The following SLC8A1 variants were observed in gnomAD, a reference collection of about 807,000 sequenced individuals.
SLC8A1 encodes sodium/calcium exchanger 1.
In SLC8A1, 18 loss-of-function variants were observed where a neutral mutation model predicts 68.3. That is an observed-to-expected ratio of 0.26 (90% CI 0.18 to 0.39). SLC8A1 has a LOEUF of 0.39. Among genes scored for constraint, SLC8A1 ranks in the 10% least tolerant of loss-of-function variants. The pLI is 1.00. For synonymous variants in SLC8A1, 475 were observed against 415.5 expected (o/e 1.14, Z -1.74); for missense variants, 985 against 1,156.7 (o/e 0.85, Z 2.15).
chr2:40,350,170 C>G (rs949886729), intron 2 of SLC8A1, among the ~76,000 whole-genome samples: 1 of 152,112 alleles, frequency 6.6e-6, no homozygotes, highest in African/African-American at 2.4e-5. Context: ...ACTCAGAATT[C>G]TCTTAAAACT....
intron 1 of SLC8A1, among the ~76,000 whole-genome samples, chr2:40,475,284 C>T (rs1423634573): frequency 6.6e-6 from 1 of 152,064 alleles, no homozygotes; most frequent in Non-Finnish European, 1.5e-5. Flanking sequence ...CAGGTGCCCG[C>T]CACCTCGCCC....
intron 2 of SLC8A1, among the ~76,000 whole-genome samples, chr2:40,332,349 GA>G (rs1292011430): frequency 7.3e-6 from 1 of 136,614 alleles, no homozygotes; most frequent in Non-Finnish European, 1.5e-5. Context: ...CCTGACTCTG[GA>G]TTTACCCTTT....
intron 7 of SLC8A1, among the ~76,000 whole-genome samples, chr2:40,135,822 C>T (rs1008213600): frequency 6.6e-6 from 1 of 152,084 alleles, no homozygotes; most frequent in East Asian, 1.9e-4. Context: ...ACTTGTTCTC[C>T]TGAGAAAGGC....
chr2:40,292,877 A>T (rs2069593434), intron 2 of SLC8A1, among the ~76,000 whole-genome samples: 1 of 152,160 alleles, frequency 6.6e-6, no homozygotes, highest in Non-Finnish European at 1.5e-5. Context: ...TCCTTCATCT[A>T]GTGAACTGTC....
At chr2:40,410,539 T>C (rs575699323) in intron 2 of SLC8A1, among the ~76,000 whole-genome samples, 5 of 152,138 alleles carry the variant, frequency 3.3e-5, no homozygotes, top group African/African-American at 1.2e-4. Context: ...ATGATGAAAA[T>C]ATAGTAATTA....
rs1023797664 is a variant in SLC8A1, at chr2:40,353,438, T to C, written c.1808+75035A>G. ...AGGCTCTCCAAGGCCTGTAGATTTT[T>C]CATTATGGAAAATGGCTCTGACCCA... is the stretch of plus-strand genomic sequence containing the variant. On this transcript the variant is annotated intron_variant, in intron 2 of 7. Transcript: ENST00000406785. 2.6e-5 allele frequency among the ~76,000 whole-genome samples: 4 copies of C among 152,116 alleles called. No homozygotes were observed. In the East Asian group the frequency reaches 7.8e-4, roughly 29 times the overall value.
chr2:40,451,342 T>G (rs1702443235), intron 1 of SLC8A1, among the ~76,000 whole-genome samples: 1 of 152,128 alleles, frequency 6.6e-6, no homozygotes, highest in Non-Finnish European at 1.5e-5. Flanking sequence ...CTTCCTCGTC[T>G]GTCTCTGCCC....
intron 2 of SLC8A1, among the ~76,000 whole-genome samples, chr2:40,405,494 C>T (rs145160567): frequency 3.3e-5 from 5 of 152,302 alleles, no homozygotes; most frequent in African/African-American, 1.2e-4. Flanking sequence ...TCCGCTTTTC[C>T]AGCACATCCG....
intron 2 of SLC8A1, among the ~76,000 whole-genome samples, chr2:40,331,430 G>A (rs1272508627): frequency 6.6e-6 from 1 of 152,000 alleles, no homozygotes; most frequent in Non-Finnish European, 1.5e-5. Context: ...CCACTTTAAT[G>A]TATATGCAAC....
At chr2:40,448,668 T>C (rs1701883979) in intron 1 of SLC8A1, among the ~76,000 whole-genome samples, 1 of 152,086 alleles carries the variant, frequency 6.6e-6, no homozygotes, top group South Asian at 2.1e-4. Flanking sequence ...AGGCAGAACG[T>C]TTGCCACAAG....
At chr2:40,499,036 T>C (rs764450181) in intron 1 of SLC8A1, among the ~76,000 whole-genome samples, 13 of 151,936 alleles carry the variant, frequency 8.6e-5, no homozygotes, top group Non-Finnish European at 1.6e-4. Flanking sequence ...GATAAGAGAA[T>C]AGACTAAAGA....
exon 2 of SLC8A1, chr2:40,430,281 G>C (rs748237959): frequency 9.4e-6 from 15 of 1,603,180 alleles, no homozygotes; most frequent in Non-Finnish European, 1.3e-5. Flanking sequence ...TGTTGTACAT[G>C]ACACTTCCAA....
intron 2 of SLC8A1, among the ~76,000 whole-genome samples, chr2:40,408,338 T>C (rs564683951): frequency 1.3e-5 from 2 of 152,268 alleles, no homozygotes; most frequent in South Asian, 4.1e-4. Flanking sequence ...TTATCAACAG[T>C]TTGATAAATT....
intron 2 of SLC8A1, among the ~76,000 whole-genome samples, chr2:40,248,160 AGGCC>A (rs2062150492): frequency 6.6e-6 from 1 of 152,262 alleles, no homozygotes; most frequent in African/African-American, 2.4e-5. Context: ...ATATGTTAAG[AGGCC>A]TGAATGTTCT....
At chr2:40,190,842 T>G (rs2051668170) in intron 2 of SLC8A1, 1 of 152,136 alleles carries the variant, frequency 6.6e-6, no homozygotes, top group South Asian at 2.1e-4. Flanking sequence ...CACTTAGCAG[T>G]TGCCTGTCTC....
chr2:40,170,346 T>C lies in SLC8A1; in HGVS notation c.1930+4479A>G, dbSNP rs1339497557. ...AGCATGAACCTTCCTGAAGACAGGT[T>C]GGCCTAGCAAAAGGACAGGCAGAAA... On this transcript the variant is annotated intron_variant, in intron 4 of 7. Transcript: ENST00000406785. The C allele has an allele frequency of 1.9e-6, 3 of 1,614,042 alleles. No homozygotes were observed. The highest frequency in any genetic ancestry group is 2.7e-5 in the African/African-American group (2 of 75,046).
chr2:40,244,070 G>A (rs1052551278), intron 2 of SLC8A1, among the ~76,000 whole-genome samples: 5 of 151,974 alleles, frequency 3.3e-5, no homozygotes, highest in Admixed American at 3.3e-4. Flanking sequence ...GAACATCTGA[G>A]CAATTTAATG....
chr2:40,490,711 A>G (rs989251009), intron 1 of SLC8A1, among the ~76,000 whole-genome samples: 1 of 152,114 alleles, frequency 6.6e-6, no homozygotes, highest in South Asian at 2.1e-4. Flanking sequence ...ACTCAAAATG[A>G]AAGACTTCTA....
rs537828350 is a variant in SLC8A1 at position 40,169,432 on chromosome 2, T to C, written c.1931-4448A>G. On this transcript the variant is annotated intron_variant, in intron 4 of 7. Transcript: ENST00000406785. The stretch of plus-strand genomic sequence containing the variant: ...TTTGATTGGAGGCTAAAGTGACTGA[T>C]ACAGACCCAAATATCATTAGAGATG... 1.9e-4 allele frequency among the ~76,000 whole-genome samples: 29 copies of C among 152,274 alleles called. No homozygotes were observed. In the South Asian group the frequency reaches 6.0e-3, roughly 32 times the overall value.
Sources: allele counts gnomAD v4.1 joint callset (sites outside exome capture counted in the v4.1 genomes callset), GRCh38; gene constraint gnomAD v4.1.1; transcripts MANE v1.5; gene names NCBI Gene and HGNC (gene_info 2026-07-23, HGNC 2026-07-21).